Variants in MAGT1 observed in about 807,000 individuals in gnomAD.
MAGT1 encodes dolichyl-diphosphooligosaccharide--protein glycosyltransferase subunit MAGT1.
A neutral mutation model predicts 28.4 loss-of-function variants in MAGT1; 4 were observed. That is an observed-to-expected ratio of 0.14 (90% CI 0.07 to 0.32). The LOEUF (loss-of-function observed/expected upper bound fraction) is 0.32, where lower values mean the gene tolerates loss of function less well. Among genes scored for constraint, MAGT1 ranks in the 10% least tolerant of loss-of-function variants. The probability of loss-of-function intolerance (pLI) is 1.00; values close to 1 mark genes in which losing one functional copy is unlikely to be tolerated. For synonymous variants in MAGT1, 89 were observed against 89.7 expected (o/e 0.99, Z 0.04); for missense variants, 193 against 264.5 (o/e 0.73, Z 1.88).
intron 3 of MAGT1, among the ~76,000 whole-genome samples, chrX:77,869,323 C>T (rs897172589): frequency 5.4e-5 from 6 of 111,593 alleles, no homozygotes; most frequent in Non-Finnish European, 7.5e-5. Flanking sequence ...CTGAAAAACT[C>T]TTCCAGACAT....
intron 1 of MAGT1, among the ~76,000 whole-genome samples, chrX:77,877,633 T>C (rs1349198142): frequency 9.2e-6 from 1 of 108,237 alleles, no homozygotes; most frequent in Admixed American, 1.0e-4. Context: ...GCCAACATGG[T>C]GAAACCCTGT....
intron 1 of MAGT1, among the ~76,000 whole-genome samples, chrX:77,879,835 C>T (rs1181223160): frequency 1.4e-5 from 1 of 73,174 alleles, no homozygotes; most frequent in African/African-American, 5.3e-5. Context: ...CATGATTTGC[C>T]TTTTTTTTTT....
At chrX:77,844,828 TTC>T (rs1260789475) in intron 7 of MAGT1, among the ~76,000 whole-genome samples, 1 of 111,778 alleles carries the variant, frequency 8.9e-6, no homozygotes, top group Non-Finnish European at 1.9e-5. Flanking sequence ...ATAATTTCTG[TTC>T]TTTTACTTTT....
intron 7 of MAGT1, among the ~76,000 whole-genome samples, chrX:77,845,164 C>T (rs2076947766): frequency 9.0e-6 from 1 of 111,637 alleles, no homozygotes; most frequent in Admixed American, 9.6e-5. Flanking sequence ...ATAGTTAGCT[C>T]TTCTTGTTGA....
At chrX:77,884,919 G>A (rs1414337729) in intron 1 of MAGT1, among the ~76,000 whole-genome samples, 2 of 108,934 alleles carry the variant, frequency 1.8e-5, no homozygotes, top group African/African-American at 6.7e-5. Context: ...AAAATTAGCC[G>A]GGCGCGGTGG....
chrX:77,865,082 A>G (rs1557216765), intron 3 of MAGT1, among the ~76,000 whole-genome samples: 2 of 111,959 alleles, frequency 1.8e-5, no homozygotes, highest in African/African-American at 6.5e-5. Context: ...CTTTTAGGTT[A>G]CAACATTTTT....
chrX:77,851,943 C>T (rs1224835212), intron 7 of MAGT1, among the ~76,000 whole-genome samples: 2 of 109,772 alleles, frequency 1.8e-5, no homozygotes, highest in Non-Finnish European at 3.8e-5. Context: ...TAATTGCCCA[C>T]GCTGGAGAGT....
chrX:77,893,512 G>A (rs2077089912), intron 1 of MAGT1, among the ~76,000 whole-genome samples: 1 of 111,329 alleles, frequency 9.0e-6, no homozygotes, highest in Admixed American at 9.6e-5. Context: ...CTAGGCTGTT[G>A]TGCTTCCAGT....
chrX:77,839,866 C>T (rs1168813439), intron 8 of MAGT1, among the ~76,000 whole-genome samples: 4 of 109,622 alleles, frequency 3.6e-5, no homozygotes, highest in Non-Finnish European at 7.6e-5. Context: ...TTGATGGCCT[C>T]GAACTCCTGA....
rs782576341 is a variant in MAGT1, at chrX:77,864,722, T to G, written c.390+6086A>C. On this transcript the variant is annotated intron_variant, in intron 3 of 9. Coordinates refer to ENST00000618282, the MANE Select transcript of MAGT1 (RefSeq NM_001367916.1). ...AGAATTAAAAAGCAATTTTTTTTTT[T>G]GAGACAAAGTCTAGCTCTGTCACCC... Among the ~76,000 whole-genome samples the G allele has an allele frequency of 3.6e-5, 4 of 111,255 alleles. No homozygotes were observed. In the South Asian group the frequency reaches 1.5e-3, roughly 42 times the overall value.
rs186479035 is a variant in MAGT1 at position 77,857,375 on chromosome X, G to A, written c.513C>T (p.Ala171=). Residue 171 remains alanine, a synonymous_variant, in exon 4 of 10, where the codon GCC becomes GCT. Transcript: ENST00000618282. ...AACTTACATTGACATCAGTTCTGTCGGCGATCCACCGGGCAATCTGCTCAG... is the reference window on the plus strand; with the variant it reads ...AACTTACATTGACATCAGTTCTGTCAGCGATCCACCGGGCAATCTGCTCAG... ...FSAEQIARWI[A]DRTDVNIRVI... 1 of 1,211,148 alleles carries A rather than the reference G, an allele frequency of 8.3e-7. No individual in the cohort carries two copies. Among genetic ancestry groups the A allele is most frequent in the South Asian group, 1.8e-5 (1 of 56,941 alleles).
At chrX:77,858,324 G>A (rs2076986315) in intron 3 of MAGT1, among the ~76,000 whole-genome samples, 1 of 110,649 alleles carries the variant, frequency 9.0e-6, no homozygotes, top group African/African-American at 3.3e-5. Context: ...CCAAGGAGCT[G>A]GGATTACAGG....
chrX:77,850,155 C>T (rs941822408), intron 7 of MAGT1, among the ~76,000 whole-genome samples: 4 of 110,588 alleles, frequency 3.6e-5, no homozygotes, highest in South Asian at 7.6e-4. Flanking sequence ...ACAATGTTAC[C>T]GGTCTTGAGG....
At chrX:77,837,236 G>A (rs1406905801) in intron 8 of MAGT1, 1 of 110,958 alleles carries the variant, frequency 9.0e-6, no homozygotes, top group African/African-American at 3.3e-5. Flanking sequence ...GCCTGATCTC[G>A]TAAAAAGTCA....
intron 1 of MAGT1, among the ~76,000 whole-genome samples, chrX:77,882,502 T>C (rs1360959507): frequency 9.0e-6 from 1 of 111,695 alleles, no homozygotes; most frequent in South Asian, 3.6e-4. Context: ...GAAAAACAAG[T>C]GTGAAGCAGT....
At chrX:77,873,504 G>A (rs2149024433) in intron 2 of MAGT1, among the ~76,000 whole-genome samples, 1 of 112,175 alleles carries the variant, frequency 8.9e-6, no homozygotes, top group African/African-American at 3.2e-5. Flanking sequence ...TTATTTTTTA[G>A]TATCCACCAT....
intron 3 of MAGT1, among the ~76,000 whole-genome samples, chrX:77,859,838 G>T (rs782180547): frequency 9.1e-6 from 1 of 110,093 alleles, no homozygotes; most frequent in Non-Finnish European, 1.9e-5. Context: ...CTGCATTTCA[G>T]CCTGGGTGAC....
In MAGT1 at chrX:77,884,918, C is replaced by T. The variant is rs782161026; in HGVS notation, c.103-9321G>A. Among the ~76,000 whole-genome samples, 74 of 108,735 alleles carry T rather than the reference C, an allele frequency of 6.8e-4. 1 individual carries two copies. The highest frequency in any genetic ancestry group is 4.8e-3 in the South Asian group (12 of 2,483). 94.4% of individuals were successfully genotyped at this position (108,735 alleles called of 115,157 possible). On this transcript the variant is annotated intron_variant, in intron 1 of 9. Transcript: ENST00000618282. The stretch of plus-strand genomic sequence containing the variant: ...AAACCCCGTCTCTACTAAAATTAGC[C>T]GGGCGCGGTGGCGGGTGCCTGTAGT...
At chrX:77,858,682 C>T (rs1321683829) in intron 3 of MAGT1, among the ~76,000 whole-genome samples, 1 of 111,411 alleles carries the variant, frequency 9.0e-6, no homozygotes, top group Admixed American at 9.7e-5. Flanking sequence ...TAATAGATTA[C>T]TCCTTTGGTT....
Sources: allele counts gnomAD v4.1 joint callset (sites outside exome capture counted in the v4.1 genomes callset), GRCh38; gene constraint gnomAD v4.1.1; transcripts MANE v1.5; gene names NCBI Gene and HGNC (gene_info 2026-07-23, HGNC 2026-07-21).